RAB27B: variants seen among roughly 807,000 people sequenced by gnomAD.
RAB27B encodes ras-related protein Rab-27B.
In RAB27B, 15 loss-of-function variants were observed where a neutral mutation model predicts 24.6. The ratio of observed to expected loss-of-function variants is 0.61; its 90% CI spans 0.41 to 0.94. RAB27B has a LOEUF of 0.94. RAB27B is among the 40% of genes least tolerant of loss of function. The pLI is 0.00. For synonymous variants in RAB27B, 105 were observed against 92.5 expected, an observed-to-expected ratio of 1.14 and a Z score of -0.78; for missense variants, 261 against 266.8, an observed-to-expected ratio of 0.98 and a Z score of 0.15.
chr18:54,825,643 G>C (rs1250004392), upstream of RAB27B, among the ~76,000 whole-genome samples: 1 of 152,072 alleles, frequency 6.6e-6, no homozygotes, highest in East Asian at 1.9e-4. Context: ...TCTAGGAGCA[G>C]GGTAAAAAGG....
intron 2 of RAB27B, among the ~76,000 whole-genome samples, chr18:54,741,401 A>T (rs1160064243): frequency 1.3e-5 from 2 of 152,160 alleles, no homozygotes; most frequent in East Asian, 3.9e-4. Context: ...ACTGTTGTGC[A>T]TCTGGCTTTT....
chr18:54,801,932 C>A (rs891117207), intron 2 of RAB27B, among the ~76,000 whole-genome samples: 1 of 152,142 alleles, frequency 6.6e-6, no homozygotes, highest in Admixed American at 6.6e-5. Context: ...GAATTGAGGA[C>A]AAGCTCTAAT....
At chr18:54,718,858 C>T (rs1014032401) in intron 2 of RAB27B, among the ~76,000 whole-genome samples, 1 of 152,098 alleles carries the variant, frequency 6.6e-6, no homozygotes, top group African/African-American at 2.4e-5. Flanking sequence ...TTTTTAAGAG[C>T]CTTGGTGCCA....
intron 2 of RAB27B, among the ~76,000 whole-genome samples, chr18:54,773,129 T>C (rs1908605535): frequency 6.6e-6 from 1 of 152,238 alleles, no homozygotes. Context: ...GTCCTGAATT[T>C]AATTAAATTG....
At chr18:54,826,842 C>T (rs180876827), upstream of RAB27B, among the ~76,000 whole-genome samples, 5 of 152,278 alleles carry the variant, frequency 3.3e-5, no homozygotes, top group East Asian at 3.9e-4. Context: ...ATATAATAGA[C>T]GCCTTGCCTA....
chr18:54,760,509 A>G (rs1409378416), intron 2 of RAB27B, among the ~76,000 whole-genome samples: 1 of 152,138 alleles, frequency 6.6e-6, no homozygotes, highest in Non-Finnish European at 1.5e-5. Context: ...TGAAAATATC[A>G]TTTTGGGAGC....
chr18:54,775,134 A>G (rs1016605737), intron 2 of RAB27B, among the ~76,000 whole-genome samples: 1 of 152,142 alleles, frequency 6.6e-6, no homozygotes, highest in Non-Finnish European at 1.5e-5. Context: ...TCCAGGCACA[A>G]CTTGGGACTG....
At chr18:54,732,661 A>G (rs1909763766) in intron 2 of RAB27B, among the ~76,000 whole-genome samples, 1 of 152,268 alleles carries the variant, frequency 6.6e-6, no homozygotes. Flanking sequence ...TATCAGTAAG[A>G]TATAATGACT....
chr18:54,831,572 TAGTG>T (rs999885954), intron 1 of RAB27B, among the ~76,000 whole-genome samples: 12 of 152,330 alleles, frequency 7.9e-5, no homozygotes, highest in African/African-American at 2.2e-4. Context: ...TAACAGATGT[TAGTG>T]AGATATACGA....
intron 2 of RAB27B, among the ~76,000 whole-genome samples, chr18:54,727,065 C>T (rs1350012127): frequency 6.6e-6 from 1 of 152,198 alleles, no homozygotes; most frequent in Non-Finnish European, 1.5e-5. Context: ...TCACTGCAAC[C>T]TCCGCCTCCC....
At chr18:54,873,978 C>A (rs1476910966) in intron 1 of RAB27B, among the ~76,000 whole-genome samples, 3 of 152,108 alleles carry the variant, frequency 2.0e-5, no homozygotes, top group Non-Finnish European at 4.4e-5. Flanking sequence ...AGAAAAGAGG[C>A]AATGTGGGCC....
At chr18:54,793,741 A>AATC (rs1909327252) in intron 2 of RAB27B, among the ~76,000 whole-genome samples, 2 of 152,238 alleles carry the variant, frequency 1.3e-5, no homozygotes, top group Non-Finnish European at 1.5e-5. Context: ...GTAATGATCC[A>AATC]ATCAAGTTTG....
intron 3 of RAB27B, among the ~76,000 whole-genome samples, chr18:54,881,357 A>C (rs1912916917): frequency 6.6e-6 from 1 of 151,906 alleles, no homozygotes; most frequent in African/African-American, 2.4e-5. Flanking sequence ...AAGTCCTTGG[A>C]CGTGGGCAGT....
chr18:54,766,419 C>T (rs559808012), intron 2 of RAB27B, among the ~76,000 whole-genome samples: 7 of 152,144 alleles, frequency 4.6e-5, no homozygotes, highest in African/African-American at 1.7e-4. Flanking sequence ...GCTTTGCCTT[C>T]GGTTGCCTTA....
At chr18:54,801,415 T>G (rs186479645) in intron 2 of RAB27B, among the ~76,000 whole-genome samples, 1 of 152,310 alleles carries the variant, frequency 6.6e-6, no homozygotes, top group Non-Finnish European at 1.5e-5. Context: ...ATATGACTAT[T>G]AAAAACCTAG....
chr18:54,763,985 C>G (rs1226008819), intron 2 of RAB27B, among the ~76,000 whole-genome samples: 1 of 152,208 alleles, frequency 6.6e-6, no homozygotes, highest in East Asian at 1.9e-4. Context: ...CAAGCCATCT[C>G]TCTGCTAGCT....
chr18:54,890,719 AGTT>A lies in RAB27B; in HGVS notation c.*1308_*1310del, dbSNP rs1436209420. 6.7e-6 allele frequency: 1 copy of A among 149,556 alleles called. No individual in the cohort carries two copies. Among genetic ancestry groups the A allele is most frequent in the Non-Finnish European group, 1.5e-5 (1 of 67,488 alleles). The allele number at this position is 149,556 out of a possible 1,614,324, so 9.3% of individuals were successfully genotyped here. On this transcript the variant is annotated 3_prime_UTR_variant, in exon 6 of 6. Coordinates refer to ENST00000262094, the MANE Select transcript of RAB27B (RefSeq NM_004163.4). ...ATTTTGCCAAAGGCAAGACACCTAT[AGTT>A]GAGCTGTATTTTGGGGGATTGGGTG... is the stretch of plus-strand genomic sequence containing the variant.
chr18:54,875,867 A>C (rs982297985), intron 1 of RAB27B, among the ~76,000 whole-genome samples: 2 of 152,192 alleles, frequency 1.3e-5, no homozygotes, highest in Non-Finnish European at 2.9e-5. Context: ...ATATAAAAAC[A>C]AAAAATTGTT....
At chr18:54,773,105 C>G (rs1908604223) in intron 2 of RAB27B, among the ~76,000 whole-genome samples, 2 of 151,890 alleles carry the variant, frequency 1.3e-5, no homozygotes, top group African/African-American at 4.8e-5. Flanking sequence ...TGGCAAAGGC[C>G]ATCTCATATT....
Sources: gnomAD v4.1 joint callset for allele counts (sites outside exome capture counted in the v4.1 genomes callset) on GRCh38, gnomAD v4.1.1 for gene constraint, MANE v1.5 for transcripts, NCBI Gene and HGNC (gene_info 2026-07-23, HGNC 2026-07-21) for gene names.